Variants in DPT observed in about 807,000 individuals in gnomAD.
DPT encodes dermatopontin, also known as tyrosine-rich acidic matrix protein.
DPT carries 21 observed loss-of-function variants against 31.2 expected under a neutral mutation model. The observed-to-expected ratio is 0.67, with a 90% CI of 0.48 to 0.97. The LOEUF (loss-of-function observed/expected upper bound fraction) is 0.97. Ranked by LOEUF, DPT falls within the 50% of genes least tolerant of loss-of-function variation. The pLI, the probability that DPT is intolerant of heterozygous loss-of-function variation, is 0.00. For synonymous variants in DPT, 91 were observed against 86.9 expected (o/e 1.05, Z -0.26); for missense variants, 262 against 258.8 (o/e 1.01, Z -0.08).
chr1:168,713,200 A>C (rs560967322), intron 2 of DPT, among the ~76,000 whole-genome samples: 1 of 152,282 alleles, frequency 6.6e-6, no homozygotes, highest in South Asian at 2.1e-4. Flanking sequence ...AGAGGAGTAA[A>C]AGCTGCTTTA....
intron 2 of DPT, among the ~76,000 whole-genome samples, chr1:168,706,900 A>T (rs1308350950): frequency 1.3e-5 from 2 of 152,186 alleles, no homozygotes; most frequent in African/African-American, 2.4e-5. Context: ...TAGCCACATT[A>T]TGTGGTGGTC....
chr1:168,719,342 C>G (rs512129), intron 1 of DPT, among the ~76,000 whole-genome samples: 45,309 of 152,050 alleles, frequency 0.3, 7,129 homozygotes, highest in East Asian at 0.52. Flanking sequence ...CCTTATTTAA[C>G]AAGACTCACC....
intron 1 of DPT, among the ~76,000 whole-genome samples, chr1:168,720,675 T>C (rs1018097029): frequency 3.3e-5 from 5 of 152,158 alleles, no homozygotes; most frequent in Admixed American, 1.3e-4. Context: ...ACTGCAGAGA[T>C]GGACTATGAG....
chr1:168,727,420 G>T (rs925605093), intron 1 of DPT, among the ~76,000 whole-genome samples: 37 of 152,232 alleles, frequency 2.4e-4, no homozygotes, highest in Middle Eastern at 3.4e-3. Flanking sequence ...ATTACTTAAA[G>T]GCCCGCTCTC....
At chr1:168,719,610 G>T (rs907450311) in intron 1 of DPT, among the ~76,000 whole-genome samples, 1 of 152,022 alleles carries the variant, frequency 6.6e-6, no homozygotes, top group Non-Finnish European at 1.5e-5. Flanking sequence ...AAACTACTTG[G>T]AGGGAGTTTC....
At chr1:168,705,594 A>G (rs1649703011) in intron 2 of DPT, among the ~76,000 whole-genome samples, 1 of 152,214 alleles carries the variant, frequency 6.6e-6, no homozygotes, top group African/African-American at 2.4e-5. Flanking sequence ...ATGATCTTTT[A>G]TAGCCCAGCT....
At chr1:168,707,260 T>G (rs2299858) in intron 2 of DPT, among the ~76,000 whole-genome samples, 25,109 of 152,076 alleles carry the variant, frequency 0.17, 2,942 homozygotes, top group African/African-American at 0.34. Context: ...ATTATTATCA[T>G]CATTATCATT....
chr1:168,704,512 A>G (rs941011318), intron 2 of DPT, among the ~76,000 whole-genome samples: 4 of 152,198 alleles, frequency 2.6e-5, no homozygotes, highest in African/African-American at 4.8e-5. Flanking sequence ...GCGCCACTGC[A>G]CTCCAGCCCG....
At chr1:168,715,670 A>G (rs1010807662) in intron 1 of DPT, among the ~76,000 whole-genome samples, 4 of 152,260 alleles carry the variant, frequency 2.6e-5, no homozygotes, top group African/African-American at 9.6e-5. Context: ...AGAGCCCTGG[A>G]AATTGAGCAC....
intron 1 of DPT, among the ~76,000 whole-genome samples, chr1:168,725,189 T>C (rs900437116): frequency 1.9e-5 from 2 of 104,294 alleles, no homozygotes; most frequent in African/African-American, 7.8e-5. Flanking sequence ...CCTTCCTTTT[T>C]CTTCCTTTGC....
chr1:168,719,684 G>C lies in DPT; in HGVS notation c.306-5338C>G, dbSNP rs191608475. Among the ~76,000 whole-genome samples, 463 of 151,978 alleles carry C rather than the reference G, an allele frequency of 3.0e-3. 3 individuals are homozygous for C. Among genetic ancestry groups the C allele is most frequent in the African/African-American group, 0.011 (441 of 41,438 alleles). On this transcript the variant is annotated intron_variant, in intron 1 of 3. Coordinates refer to ENST00000367817, the MANE Select transcript of DPT (RefSeq NM_001937.5). ...TCACCAATACGATGGCTAATATCCT[G>C]GTGAATTGTATAACATGACCGCAGC...
At chr1:168,699,775 T>C (rs183976853) in intron 3 of DPT, among the ~76,000 whole-genome samples, 2 of 151,908 alleles carry the variant, frequency 1.3e-5, no homozygotes, top group East Asian at 3.9e-4. Context: ...TTGGTAACTT[T>C]TCAGGAATTC....
At chr1:168,720,083 G>A (rs1650068289) in intron 1 of DPT, among the ~76,000 whole-genome samples, 1 of 152,068 alleles carries the variant, frequency 6.6e-6, no homozygotes, top group South Asian at 2.1e-4. Context: ...AAGAGCCCTT[G>A]TTGAGGAATC....
chr1:168,704,226 T>A (rs1649665389), intron 2 of DPT, among the ~76,000 whole-genome samples: 1 of 152,172 alleles, frequency 6.6e-6, no homozygotes, highest in Admixed American at 6.5e-5. Flanking sequence ...CACTTCATAC[T>A]GAGCATTGCC....
intron 1 of DPT, among the ~76,000 whole-genome samples, chr1:168,714,962 A>C (rs918463546): frequency 1.3e-5 from 2 of 151,472 alleles, no homozygotes; most frequent in African/African-American, 4.9e-5. Context: ...TCTACCACCC[A>C]CAAGACCATA....
chr1:168,726,189 G>A (rs1397999609), intron 1 of DPT, among the ~76,000 whole-genome samples: 1 of 152,206 alleles, frequency 6.6e-6, no homozygotes, highest in Non-Finnish European at 1.5e-5. Flanking sequence ...AAAATTACTA[G>A]ACACTGCACA....
Position 168,714,271 on chromosome 1 carries a change from C to G in DPT, c.381G>C (p.Glu127Asp), listed in dbSNP as rs765013846. The G allele has an allele frequency of 5.8e-5, 94 of 1,614,096 alleles. No individual in the cohort carries two copies. The highest frequency in any genetic ancestry group is 7.5e-5 in the Non-Finnish European group (88 of 1,179,998). Residue 127 changes from glutamate (E) to aspartate (D), a missense_variant, in exon 2 of 4, where the codon GAG becomes GAC. Coordinates refer to ENST00000367817, the MANE Select transcript of DPT (RefSeq NM_001937.5). ...SRYFESVLDR[E>D]WQFYCCRYSK... ...TGTAGCGACAACAGTAAAACTGCCACTCCCGATCCAGCACTGACTCGAAGT... is the reference window on the plus strand; with the variant it reads ...TGTAGCGACAACAGTAAAACTGCCAGTCCCGATCCAGCACTGACTCGAAGT...
At chr1:168,709,903 C>T (rs1649813480) in intron 2 of DPT, among the ~76,000 whole-genome samples, 1 of 152,186 alleles carries the variant, frequency 6.6e-6, no homozygotes, top group Admixed American at 6.5e-5. Flanking sequence ...AAATAATGTA[C>T]ATGAAAGAAG....
chr1:168,700,908 G>GGT (rs61401056), intron 3 of DPT, 109 bp downstream of exon 3: 214 of 126,434 alleles, frequency 1.7e-3, no homozygotes, highest in East Asian at 4.0e-3. Flanking sequence ...TGTGTGTGTG[G>GGT]GTGTGTGTGT....
Sources: allele counts gnomAD v4.1 joint callset (sites outside exome capture counted in the v4.1 genomes callset), GRCh38; gene constraint gnomAD v4.1.1; transcripts MANE v1.5; gene names NCBI Gene and HGNC (gene_info 2026-07-23, HGNC 2026-07-21).